FSD1: variants seen among roughly 807,000 people sequenced by gnomAD.
FSD1 encodes fibronectin type III and SPRY domain containing 1, also known as fibronectin type III and SPRY domain-containing protein 1.
A neutral mutation model predicts 58.2 loss-of-function variants in FSD1; 23 were observed. The ratio of observed to expected loss-of-function variants is 0.40; its 90% CI spans 0.28 to 0.56. The LOEUF is 0.56. Among genes scored for constraint, FSD1 ranks in the 20% least tolerant of loss-of-function variants. The pLI is 0.54. For missense variants in FSD1, 563 were observed against 670.8 expected (o/e 0.84, Z 1.78); for synonymous variants, 265 against 263.4 (o/e 1.01, Z -0.06).
At chr19:4,319,045 C>T (rs1328668274) in intron 10 of FSD1, 94 bp downstream of exon 10, 4 of 945,902 alleles carry the variant, frequency 4.2e-6, no homozygotes, top group Non-Finnish European at 6.8e-6. Context: ...GCTGCGGAAA[C>T]AGGCAGCCAT....
Position 4,323,719 on chromosome 19 carries a change from C to T in FSD1, c.*76C>T. 9.9e-7 allele frequency: 1 copy of T among 1,005,932 alleles called. No homozygotes were observed. The highest frequency in any genetic ancestry group is 2.6e-5 in the East Asian group (1 of 38,478). The allele number at this position is 1,005,932 out of a possible 1,614,324, so 62.3% of individuals were successfully genotyped here. A position where few individuals can be genotyped will look rare whatever the true frequency, so the allele number is the denominator to read the frequency against. ...GCCCAGGCTGCTGGAGCCAGGCACC[C>T]TCCTCTGTCACTTGCTGCTTGGAGC... On this transcript the variant is annotated 3_prime_UTR_variant, in exon 13 of 13. Transcript: ENST00000221856. This position sits in a 1 kb window ranked among gnomAD's most constrained non-coding sequence, Gnocchi z 7.7.
chr19:4,318,799 G>C (rs1971783328), intron 9 of FSD1, 73 bp from the exon 10 acceptor site: 1 of 1,234,460 alleles, frequency 8.1e-7, no homozygotes, highest in Non-Finnish European at 1.2e-6. Context: ...GGGTGGACTA[G>C]GGTAGCCTTA....
At chr19:4,320,652 C>T (rs746063124) in intron 10 of FSD1, among the ~76,000 whole-genome samples, 7 of 150,856 alleles carry the variant, frequency 4.6e-5, no homozygotes, top group African/African-American at 9.7e-5. Flanking sequence ...GGGGAATACC[C>T]GGGAATCAAG....
In FSD1 at chr19:4,304,759, AGGGTAGGACGGGGTG is replaced by A; in HGVS notation, c.15+2_15+16del. On this transcript the variant is annotated splice_donor_variant and splice_donor_5th_base_variant and coding_sequence_variant and intron_variant, in exon 1 of 13. Transcript: ENST00000221856. LOFTEE classifies it high-confidence loss of function. Reference sequence around the variant, plus strand: ...CTGGGCTGCAGCCATGGAAGAACAGAGGGTAGGACGGGGTGGGGCAGGGCGGGCCCGCAGGGGCGT... The same window carrying A: ...CTGGGCTGCAGCCATGGAAGAACAGAGGGCAGGGCGGGCCCGCAGGGGCGT... 3.6e-6 allele frequency: 1 copy of A among 281,648 alleles called. No individual in the cohort carries two copies. The highest frequency in any genetic ancestry group is 4.3e-6 in the Non-Finnish European group (1 of 234,948). 17.4% of individuals were successfully genotyped at this position (281,648 alleles called of 1,614,324 possible). A position where few individuals can be genotyped will look rare whatever the true frequency, so the allele number is the denominator to read the frequency against.
In FSD1 at chr19:4,318,472, G is replaced by T; in HGVS notation, c.926G>T (p.Gly309Val). Residue 309 changes from glycine (G) to valine (V), a missense_variant, in exon 9 of 13, where the codon GGG becomes GTG. By Grantham distance (109) the Gly-to-Val change is moderately radical. Coordinates refer to ENST00000221856, the MANE Select transcript of FSD1 (RefSeq NM_024333.3). Reference sequence around the variant, plus strand: ...AAGGCTCGCGAGAAAGATGGCAAGGGGCGGACGGCGTCTCCCATCAACTCC... The same window carrying T: ...AAGGCTCGCGAGAAAGATGGCAAGGTGCGGACGGCGTCTCCCATCAACTCC... ...DIKAREKDGKGRTASPINSPA... is the reference protein window; with the variant it reads ...DIKAREKDGKVRTASPINSPA... 4 of 1,612,922 alleles carry T rather than the reference G, an allele frequency of 2.5e-6. No homozygotes were observed. Among genetic ancestry groups the T allele is most frequent in the Non-Finnish European group, 3.4e-6 (4 of 1,179,524 alleles).
rs773932241 is a variant in FSD1, at chr19:4,307,869, C to T, written c.244-13C>T. The stretch of plus-strand genomic sequence containing the variant: ...GGTGAGTTGTCCCCTCCTTTGGTGC[C>T]TGGTATCCACAGAACCAGCTGGCTG... On this transcript the variant is annotated splice_polypyrimidine_tract_variant and intron_variant, in intron 3 of 12. Coordinates refer to ENST00000221856, the MANE Select transcript of FSD1 (RefSeq NM_024333.3). 6 of 1,608,400 alleles carry T rather than the reference C, an allele frequency of 3.7e-6. No individual in the cohort carries two copies. Among genetic ancestry groups the T allele is most frequent in the South Asian group, 1.1e-5 (1 of 90,400 alleles).
In FSD1 at chr19:4,304,778, C is replaced by A. The variant is rs947292396; in HGVS notation, c.15+17C>A. On this transcript the variant is annotated intron_variant, in intron 1 of 12. Transcript: ENST00000221856. The stretch of plus-strand genomic sequence containing the variant: ...GAACAGAGGGTAGGACGGGGTGGGG[C>A]AGGGCGGGCCCGCAGGGGCGTCGGG... The A allele has an allele frequency of 6.0e-5, 17 of 282,512 alleles. No individual in the cohort carries two copies. Among genetic ancestry groups the A allele is most frequent in the Non-Finnish European group, 9.3e-5 (16 of 171,956 alleles). The allele number at this position is 282,512 out of a possible 1,614,324, so 17.5% of individuals were successfully genotyped here.
intron 10 of FSD1, among the ~76,000 whole-genome samples, chr19:4,319,381 G>A (rs912003758): frequency 6.6e-6 from 1 of 152,202 alleles, no homozygotes; most frequent in Non-Finnish European, 1.5e-5. Flanking sequence ...GGAGGAGCCA[G>A]AGAAAACAGT....
intron 6 of FSD1, 158 bp downstream of exon 6, chr19:4,310,754 GA>G: frequency 1.3e-6 from 1 of 785,150 alleles, no homozygotes; most frequent in African/African-American, 1.7e-5. Flanking sequence ...GTGGGGGGTG[GA>G]GTTCTCATGG....
intron 10 of FSD1, among the ~76,000 whole-genome samples, chr19:4,322,516 A>C (rs551646233): frequency 9.0e-4 from 135 of 150,490 alleles, no homozygotes; most frequent in Non-Finnish European, 1.8e-4. Context: ...GCAGGAACCG[A>C]GGAGTATCTG....
intron 7 of FSD1, among the ~76,000 whole-genome samples, chr19:4,314,027 CAA>C (rs986737274): frequency 9.5e-6 from 1 of 105,466 alleles, no homozygotes. Flanking sequence ...GACTCCGTCT[CAA>C]AAAAAAAAAA....
chr19:4,323,588 G>A lies in FSD1; in HGVS notation c.1436G>A (p.Arg479His), dbSNP rs889496647. 26 of 1,612,954 alleles carry A rather than the reference G, an allele frequency of 1.6e-5. No homozygotes were observed. The highest frequency in any genetic ancestry group is 6.7e-5 in the Admixed American group (4 of 59,906). Residue 479 changes from arginine (R) to histidine (H), a missense_variant, in exon 13 of 13, where the codon CGC becomes CAC. Arg to His is a conservative substitution (Grantham distance 29). Coordinates refer to ENST00000221856, the MANE Select transcript of FSD1 (RefSeq NM_024333.3). This position sits in a 1 kb window ranked among gnomAD's most constrained non-coding sequence, Gnocchi z 7.7. ...GGCCTGCAGGTCCCCAGTGCTGTGC[G>A]CTGCCTGCAAAAGCGAGGCAGTGCT... ...TTGLQVPSAVRCLQKRGSATS... is the reference protein window; with the variant it reads ...TTGLQVPSAVHCLQKRGSATS...
chr19:4,316,428 C>T (rs948680007), intron 7 of FSD1, among the ~76,000 whole-genome samples: 6 of 150,702 alleles, frequency 4.0e-5, no homozygotes, highest in Admixed American at 2.0e-4. Flanking sequence ...ATCATGTTGG[C>T]CAGGCTGGTC....
intron 8 of FSD1, 92 bp downstream of exon 8, chr19:4,317,372 G>T (rs1413102304): frequency 1.5e-5 from 12 of 794,144 alleles, no homozygotes; most frequent in South Asian, 1.0e-4. Context: ...AAGCAGGGTT[G>T]CCCTGGCTGC....
At chr19:4,312,807 AAAAT>A (rs377254722) in intron 7 of FSD1, among the ~76,000 whole-genome samples, 337 of 148,810 alleles carry the variant, frequency 2.3e-3, no homozygotes, top group South Asian at 4.4e-3. Flanking sequence ...TCCGTCTCAA[AAAAT>A]AAATAAATAA....
At chr19:4,315,926 G>A (rs1425191539) in intron 7 of FSD1, among the ~76,000 whole-genome samples, 1 of 151,854 alleles carries the variant, frequency 6.6e-6, no homozygotes, top group Admixed American at 6.6e-5. Flanking sequence ...ACCGCGCCTA[G>A]CCAGTTTTTT....
chr19:4,322,404 C>G (rs1422343625), intron 10 of FSD1, among the ~76,000 whole-genome samples: 1 of 151,296 alleles, frequency 6.6e-6, no homozygotes, highest in Non-Finnish European at 1.5e-5. Context: ...CAAGGAGTAT[C>G]TGGAGGGAAT....
intron 4 of FSD1, among the ~76,000 whole-genome samples, chr19:4,309,778 G>A (rs1045567883): frequency 2.0e-5 from 3 of 151,896 alleles, no homozygotes; most frequent in Admixed American, 6.6e-5. Flanking sequence ...GTGTGGTGGC[G>A]GGCGCCTGTA....
chr19:4,317,122 C>T, intron 7 of FSD1, 60 bp from the exon 8 acceptor site: 1 of 954,488 alleles, frequency 1.0e-6, no homozygotes, highest in Non-Finnish European at 1.7e-6. Flanking sequence ...CAGCTTTAAC[C>T]CATGACTCAG....
Sources: gnomAD v4.1 joint callset for allele counts (sites outside exome capture counted in the v4.1 genomes callset) on GRCh38, gnomAD v4.1.1 for gene constraint, Gnocchi (gnomAD v3.1) non-coding constraint, MANE v1.5 for transcripts, NCBI Gene and HGNC (gene_info 2026-07-23, HGNC 2026-07-21) for gene names.